The following HYCC2 variants were observed in gnomAD, a reference collection of about 807,000 sequenced individuals.
HYCC2 encodes hyccin 2.
At chr2:200,999,265 T>A in the HYCC2 span, among the ~76,000 whole-genome samples, 3 of 152,182 alleles carry the variant, frequency 2.0e-5, no homozygotes, top group Admixed American at 2.0e-4. Context: ...GTTACTAAGT[T>A]GGTGCAAAAC....
At chr2:201,060,671 T>C in the HYCC2 span, among the ~76,000 whole-genome samples, 1 of 152,226 alleles carries the variant, frequency 6.6e-6, no homozygotes, top group Non-Finnish European at 1.5e-5. Flanking sequence ...TTAACTACTT[T>C]AAGCAATGGT....
chr2:200,990,972 T>A, the HYCC2 span, among the ~76,000 whole-genome samples: 1 of 152,196 alleles, frequency 6.6e-6, no homozygotes, highest in African/African-American at 2.4e-5. Context: ...CCTCCCAAAG[T>A]GCTGGAATTA....
the HYCC2 span, among the ~76,000 whole-genome samples, chr2:201,014,734 A>G: frequency 6.6e-6 from 1 of 152,318 alleles, no homozygotes; most frequent in East Asian, 1.9e-4. Context: ...AATATTTATC[A>G]TGAGATTCAA....
the HYCC2 span, among the ~76,000 whole-genome samples, chr2:201,060,065 G>C: frequency 7.7e-3 from 1,004 of 130,400 alleles, 39 homozygotes; most frequent in African/African-American, 0.027. Flanking sequence ...GGGGGGGGGG[G>C]GGTTCTTCTT....
the HYCC2 span, chr2:200,976,528 C>G: frequency 6.6e-6 from 1 of 152,270 alleles, no homozygotes; most frequent in East Asian, 1.9e-4. Context: ...GACTCCACTT[C>G]ATTAAAATAT....
At chr2:201,039,398 A>G in the HYCC2 span, among the ~76,000 whole-genome samples, 2 of 152,210 alleles carry the variant, frequency 1.3e-5, no homozygotes, top group Admixed American at 6.5e-5. Context: ...TTTCTAAGTT[A>G]AACTTTATAA....
the HYCC2 span, among the ~76,000 whole-genome samples, chr2:201,043,340 CAT>C: frequency 1.3e-5 from 2 of 150,896 alleles, no homozygotes; most frequent in Admixed American, 1.3e-4. Flanking sequence ...CCTTTGTTCA[CAT>C]GTTTATCTGC....
the HYCC2 span, among the ~76,000 whole-genome samples, chr2:201,013,052 G>T: frequency 6.6e-6 from 1 of 151,806 alleles, no homozygotes; most frequent in Non-Finnish European, 1.5e-5. Flanking sequence ...TCTTATTTTT[G>T]TCTATTTCCC....
At chr2:201,011,325 G>A in the HYCC2 span, 15 of 924,876 alleles carry the variant, frequency 1.6e-5, no homozygotes, top group Middle Eastern at 3.0e-4. Context: ...TCTCTGATAA[G>A]AAACTGACTT....
At chr2:200,990,690 G>C in the HYCC2 span, among the ~76,000 whole-genome samples, 1 of 152,146 alleles carries the variant, frequency 6.6e-6, no homozygotes, top group South Asian at 2.1e-4. Flanking sequence ...CTTTGCCTCA[G>C]CCTCCCAAGT....
At chr2:201,013,253 T>C in the HYCC2 span, among the ~76,000 whole-genome samples, 3 of 151,918 alleles carry the variant, frequency 2.0e-5, no homozygotes, top group Non-Finnish European at 4.4e-5. Flanking sequence ...CAGTATCACT[T>C]GAGGTCAGGA....
chr2:201,024,279 C>A, the HYCC2 span, among the ~76,000 whole-genome samples: 1 of 152,008 alleles, frequency 6.6e-6, no homozygotes, highest in African/African-American at 2.4e-5. Flanking sequence ...CACTTGAGCT[C>A]GGAGTTCAAG....
the HYCC2 span, among the ~76,000 whole-genome samples, chr2:201,046,100 A>G: frequency 1.3e-5 from 2 of 152,240 alleles, no homozygotes; most frequent in Non-Finnish European, 2.9e-5. Flanking sequence ...ACATAACTGA[A>G]AAACTTATCT....
At chr2:201,059,968 CG>C in the HYCC2 span, among the ~76,000 whole-genome samples, 12 of 142,948 alleles carry the variant, frequency 8.4e-5, no homozygotes, top group Non-Finnish European at 1.8e-4. Flanking sequence ...CACTTGAACC[CG>C]GGAGGCGGAG....
At chr2:201,004,318 C>T in the HYCC2 span, among the ~76,000 whole-genome samples, 1 of 152,226 alleles carries the variant, frequency 6.6e-6, no homozygotes, top group African/African-American at 2.4e-5. Context: ...AATCAGGTGA[C>T]TGGCACCTAT....
At chr2:201,054,105 G>A in the HYCC2 span, among the ~76,000 whole-genome samples, 1 of 152,210 alleles carries the variant, frequency 6.6e-6, no homozygotes, top group Non-Finnish European at 1.5e-5. Flanking sequence ...TTTATGCAAA[G>A]GGATGTGTAC....
the HYCC2 span, among the ~76,000 whole-genome samples, chr2:201,029,357 G>A: frequency 3.3e-5 from 5 of 152,118 alleles, no homozygotes; most frequent in East Asian, 9.6e-4. Context: ...CAACCATTGT[G>A]GAAGACAGTG....
chr2:201,005,378 C>T, the HYCC2 span, among the ~76,000 whole-genome samples: 20 of 152,106 alleles, frequency 1.3e-4, no homozygotes, highest in African/African-American at 4.8e-4. Flanking sequence ...GGTATTACTA[C>T]ACTTTTTTCC....
chr2:201,043,347 A>G, the HYCC2 span, among the ~76,000 whole-genome samples: 2 of 151,332 alleles, frequency 1.3e-5, no homozygotes, highest in Non-Finnish European at 2.9e-5. Flanking sequence ...TCACATGTTT[A>G]TCTGCTGACC....
Sources: gnomAD v4.1 joint callset for allele counts (sites outside exome capture counted in the v4.1 genomes callset) on GRCh38, gnomAD v4.1.1 for gene constraint, MANE v1.5 for transcripts, NCBI Gene and HGNC (gene_info 2026-07-23, HGNC 2026-07-21) for gene names.